Variants in CHCHD3 observed in about 807,000 individuals in gnomAD.
CHCHD3 encodes the protein coiled-coil-helix-coiled-coil-helix domain containing 3.
Under a neutral mutation model 38.2 loss-of-function variants are expected in CHCHD3, and 20 were observed. The ratio of observed to expected loss-of-function variants is 0.52; its 90% CI spans 0.37 to 0.76. The LOEUF is 0.76. Ranked by LOEUF, CHCHD3 falls within the 30% of genes least tolerant of loss-of-function variation. The pLI, the probability that CHCHD3 is intolerant of heterozygous loss-of-function variation, is 0.00. For missense variants in CHCHD3, 245 were observed against 279.2 expected (o/e 0.88, Z 0.87); for synonymous variants, 82 against 100.0 (o/e 0.82, Z 1.07).
At chr7:132,830,148 G>A (rs1240715444) in intron 6 of CHCHD3, among the ~76,000 whole-genome samples, 1 of 152,224 alleles carries the variant, frequency 6.6e-6, no homozygotes, top group Admixed American at 6.5e-5. Flanking sequence ...TTTAGAAGGG[G>A]GGAAAAAGCA....
At chr7:132,984,905 G>A (rs1442587088) in intron 3 of CHCHD3, among the ~76,000 whole-genome samples, 5 of 97,438 alleles carry the variant, frequency 5.1e-5, no homozygotes, top group African/African-American at 1.5e-4. Context: ...AGGTGGGGGG[G>A]TCAGCCCCCC....
intron 4 of CHCHD3, among the ~76,000 whole-genome samples, chr7:132,927,063 A>T (rs1810395887): frequency 6.6e-6 from 1 of 152,248 alleles, no homozygotes; most frequent in South Asian, 2.1e-4. Context: ...TTTAGGGAGC[A>T]CAGGCTATTG....
intron 2 of CHCHD3, chr7:133,034,508 CTTTTTTTTT>C (rs146912120): frequency 1.2e-4 from 34 of 285,196 alleles, no homozygotes; most frequent in Admixed American, 8.2e-4. Context: ...TGGATCCAGT[CTTTTTTTTT>C]TTTTTTTTTT....
intron 4 of CHCHD3, chr7:132,973,993 C>T: frequency 7.8e-7 from 1 of 1,287,600 alleles, no homozygotes; most frequent in Non-Finnish European, 1.0e-6. Flanking sequence ...AGTCAACACT[C>T]CAGGTTTCAC....
chr7:133,055,816 TCA>T (rs1814313758), intron 2 of CHCHD3, among the ~76,000 whole-genome samples: 1 of 151,772 alleles, frequency 6.6e-6, no homozygotes, highest in Non-Finnish European at 1.5e-5. Flanking sequence ...CCCACCATAC[TCA>T]CACATATATA....
chr7:132,991,323 AT>A (rs1040557989), intron 3 of CHCHD3, among the ~76,000 whole-genome samples: 1 of 152,002 alleles, frequency 6.6e-6, no homozygotes, highest in Admixed American at 6.6e-5. Context: ...CAATCCATTA[AT>A]TTTTAACCTT....
intron 6 of CHCHD3, among the ~76,000 whole-genome samples, chr7:132,811,655 G>C (rs1376891291): frequency 1.3e-5 from 2 of 152,182 alleles, no homozygotes; most frequent in African/African-American, 2.4e-5. Context: ...ATGATTTTTA[G>C]TAGACATCTT....
intron 2 of CHCHD3, among the ~76,000 whole-genome samples, chr7:133,067,845 G>A (rs962672114): frequency 2.0e-5 from 3 of 152,210 alleles, no homozygotes; most frequent in Non-Finnish European, 4.4e-5. Context: ...GGCCGGGCAC[G>A]GTGGCTCACG....
At chr7:132,915,956 T>A (rs190374566) in intron 4 of CHCHD3, among the ~76,000 whole-genome samples, 13,776 of 129,168 alleles carry the variant, frequency 0.11, 666 homozygotes, top group African/African-American at 0.12. Context: ...AATAAAAAAA[T>A]TTTTTTTTTT....
chr7:132,820,897 A>G (rs4731898), intron 6 of CHCHD3, among the ~76,000 whole-genome samples: 18,193 of 152,162 alleles, frequency 0.12, 1,370 homozygotes, highest in African/African-American at 0.2. Flanking sequence ...GGTGAGAACT[A>G]TATCATGAAC....
chr7:132,958,795 T>C (rs898108234), intron 4 of CHCHD3, among the ~76,000 whole-genome samples: 11 of 152,222 alleles, frequency 7.2e-5, no homozygotes, highest in African/African-American at 2.7e-4. Flanking sequence ...TGAGCACAGG[T>C]AAGTCCTCCC....
intron 4 of CHCHD3, among the ~76,000 whole-genome samples, chr7:132,911,057 A>G (rs1011521912): frequency 6.6e-6 from 1 of 152,244 alleles, no homozygotes; most frequent in Non-Finnish European, 1.5e-5. Flanking sequence ...ATTAGGCTCA[A>G]AAAGAAGCAT....
intron 5 of CHCHD3, among the ~76,000 whole-genome samples, chr7:132,878,303 C>G (rs1463753722): frequency 6.6e-6 from 1 of 151,936 alleles, no homozygotes; most frequent in Non-Finnish European, 1.5e-5. Context: ...TTATTTTTTC[C>G]CCAAGCTTCA....
At chr7:132,921,630 C>CAAT (rs869212215) in intron 4 of CHCHD3, among the ~76,000 whole-genome samples, 11 of 46,194 alleles carry the variant, frequency 2.4e-4, no homozygotes, top group African/African-American at 7.3e-4. Flanking sequence ...ATGACACACA[C>CAAT]AACAACAACA....
At chr7:132,957,630 G>A (rs1166495633) in intron 4 of CHCHD3, among the ~76,000 whole-genome samples, 2 of 151,990 alleles carry the variant, frequency 1.3e-5, no homozygotes, top group Non-Finnish European at 2.9e-5. Flanking sequence ...TACAGGCTGC[G>A]CCACCGCACC....
chr7:132,885,557 T>C (rs1044811611), intron 5 of CHCHD3, 105 bp downstream of exon 5: 3 of 896,204 alleles, frequency 3.3e-6, no homozygotes, highest in Non-Finnish European at 3.3e-6. Context: ...CTGGCCACTT[T>C]ACAACCAGGA....
Position 133,024,527 on chromosome 7 carries a change from C to G in CHCHD3, c.251+19G>C, listed in dbSNP as rs752142248. On this transcript the variant is annotated intron_variant, in intron 3 of 7. Transcript: ENST00000262570. ...TGACAAAACCCACCAAAACCTCTCTCTGATACCACAAAACTCACCGTTTCT... is the reference window on the plus strand; with the variant it reads ...TGACAAAACCCACCAAAACCTCTCTGTGATACCACAAAACTCACCGTTTCT... 5.0e-5 allele frequency: 80 copies of G among 1,585,502 alleles called. No individual in the cohort carries two copies. Among genetic ancestry groups the G allele is most frequent in the Non-Finnish European group, 6.8e-5 (79 of 1,154,544 alleles).
At chr7:132,897,361 T>TTA (rs1202402358) in intron 4 of CHCHD3, among the ~76,000 whole-genome samples, 1 of 150,898 alleles carries the variant, frequency 6.6e-6, no homozygotes, top group Non-Finnish European at 1.5e-5. Context: ...TTGTACTAAC[T>TTA]TGTATTTGTT....
intron 4 of CHCHD3, among the ~76,000 whole-genome samples, chr7:132,963,421 G>C (rs536075368): frequency 2.0e-4 from 30 of 148,836 alleles, no homozygotes; most frequent in Non-Finnish European, 1.3e-4. Flanking sequence ...CACGAGGTCG[G>C]GAGATCGAGA....
Sources: allele counts gnomAD v4.1 joint callset (sites outside exome capture counted in the v4.1 genomes callset), GRCh38; gene constraint gnomAD v4.1.1; transcripts MANE v1.5; gene names NCBI Gene and HGNC (gene_info 2026-07-23, HGNC 2026-07-21).